The following RTL4 variants were observed in gnomAD, a reference collection of about 807,000 sequenced individuals.
RTL4 encodes the protein retrotransposon Gag-like protein 4.
RTL4 carries 4 observed loss-of-function variants against 5.3 expected under a neutral mutation model. The ratio of observed to expected loss-of-function variants is 0.75; its 90% confidence interval spans 0.37 to 1.72. RTL4 has a LOEUF of 1.72. RTL4 is among the 40% of genes most tolerant of loss of function. RTL4 has a pLI of 0.04. For missense variants in RTL4, 260 were observed against 227.1 expected (o/e 1.14, Z -0.93); for synonymous variants, 98 against 87.3 (o/e 1.12, Z -0.68).
At chrX:112,180,805 C>T in the RTL4 span, among the ~76,000 whole-genome samples, 1 of 112,472 alleles carries the variant, frequency 8.9e-6, no homozygotes, top group South Asian at 3.7e-4. Context: ...TAAGAGATGG[C>T]TGCCTAAATT....
At chrX:112,421,099 G>A in the RTL4 span, among the ~76,000 whole-genome samples, 22 of 111,193 alleles carry the variant, frequency 2.0e-4, no homozygotes, top group African/African-American at 7.2e-4. Context: ...CTGTACCGGT[G>A]TTAGTAATCT....
chrX:112,257,643 C>T, the RTL4 span, among the ~76,000 whole-genome samples: 1 of 109,516 alleles, frequency 9.1e-6, no homozygotes, highest in Non-Finnish European at 1.9e-5. Flanking sequence ...GTCCTCAACT[C>T]TTTATAATGG....
chrX:112,209,877 T>C, the RTL4 span, among the ~76,000 whole-genome samples: 17 of 111,516 alleles, frequency 1.5e-4, no homozygotes, highest in African/African-American at 5.5e-4. Flanking sequence ...AGGAGAGTAG[T>C]TATCTGCAGA....
chrX:112,416,875 G>T, the RTL4 span, among the ~76,000 whole-genome samples: 5 of 111,405 alleles, frequency 4.5e-5, no homozygotes, highest in Non-Finnish European at 9.4e-5. Context: ...CAAGAGATTT[G>T]GTGCATATCA....
At chrX:112,172,367 A>C in the RTL4 span, among the ~76,000 whole-genome samples, 6 of 111,761 alleles carry the variant, frequency 5.4e-5, no homozygotes, top group African/African-American at 2.0e-4. Flanking sequence ...TCTGAGTAGA[A>C]GACATTCACA....
the RTL4 span, among the ~76,000 whole-genome samples, chrX:112,146,401 C>A: frequency 9.0e-6 from 1 of 111,243 alleles, no homozygotes; most frequent in African/African-American, 3.3e-5. Context: ...AGGCCTATAA[C>A]ATAGTAAAGA....
the RTL4 span, among the ~76,000 whole-genome samples, chrX:112,411,442 C>T: frequency 1.8e-5 from 2 of 110,771 alleles, no homozygotes; most frequent in Admixed American, 1.9e-4. Context: ...AACATTGATG[C>T]AAAAATCCTC....
chrX:112,252,169 G>A, the RTL4 span, among the ~76,000 whole-genome samples: 1 of 111,962 alleles, frequency 8.9e-6, no homozygotes, highest in East Asian at 2.8e-4. Flanking sequence ...ACTGGTTCAT[G>A]CTTTTCCACT....
the RTL4 span, among the ~76,000 whole-genome samples, chrX:112,375,320 C>T: frequency 9.0e-6 from 1 of 110,908 alleles, no homozygotes; most frequent in Non-Finnish European, 1.9e-5. Context: ...TCAAGTGGTT[C>T]TCAGGCAAGC....
At chrX:112,188,021 G>C in the RTL4 span, among the ~76,000 whole-genome samples, 1 of 111,761 alleles carries the variant, frequency 8.9e-6, no homozygotes, top group South Asian at 3.7e-4. Context: ...AATGTTAGCA[G>C]TTACCATTTA....
the RTL4 span, among the ~76,000 whole-genome samples, chrX:112,298,521 G>A: frequency 1.8e-5 from 2 of 112,149 alleles, no homozygotes; most frequent in Admixed American, 1.9e-4. Context: ...TAGGGTCCTC[G>A]GGTTCTTATT....
the RTL4 span, among the ~76,000 whole-genome samples, chrX:112,273,023 C>T: frequency 0.066 from 7,381 of 111,348 alleles, 573 homozygotes; most frequent in African/African-American, 0.23. Context: ...ACCATGCGGC[C>T]ATAACAAATT....
the RTL4 span, among the ~76,000 whole-genome samples, chrX:112,269,998 G>T: frequency 8.9e-6 from 1 of 112,310 alleles, no homozygotes; most frequent in African/African-American, 3.2e-5. Flanking sequence ...AGGATAATTA[G>T]AATAGGTAGT....
At chrX:112,455,811 G>A in exon 1 of RTL4, 1 of 537,388 alleles carries the variant, frequency 1.9e-6, no homozygotes, top group Non-Finnish European at 2.8e-6. Context: ...TAAACAATCA[G>A]ATCTTGTTCA....
At chrX:112,352,562 CA>C in the RTL4 span, among the ~76,000 whole-genome samples, 6 of 110,898 alleles carry the variant, frequency 5.4e-5, no homozygotes, top group East Asian at 2.9e-4. Flanking sequence ...ACAAACCTGA[CA>C]AAAACAAGAA....
the RTL4 span, among the ~76,000 whole-genome samples, chrX:112,204,415 C>G: frequency 8.9e-6 from 1 of 111,892 alleles, no homozygotes; most frequent in East Asian, 2.8e-4. Context: ...TGGAAGCAAC[C>G]TAAGTGTTCA....
At chrX:112,152,560 CT>C in the RTL4 span, among the ~76,000 whole-genome samples, 10 of 111,208 alleles carry the variant, frequency 9.0e-5, no homozygotes, top group African/African-American at 2.6e-4. Context: ...GCAACTTGAC[CT>C]TTTCTCCTCT....
the RTL4 span, among the ~76,000 whole-genome samples, chrX:112,261,279 A>G: frequency 8.9e-6 from 1 of 111,785 alleles, no homozygotes; most frequent in East Asian, 2.8e-4. Context: ...ACATGATTGT[A>G]TATTTAGAAA....
chrX:112,185,222 A>T, the RTL4 span, among the ~76,000 whole-genome samples: 1 of 109,610 alleles, frequency 9.1e-6, no homozygotes, highest in Non-Finnish European at 1.9e-5. Context: ...CAACTTCTGC[A>T]TTATGCTCTC....
Sources: allele counts gnomAD v4.1 joint callset (sites outside exome capture counted in the v4.1 genomes callset), GRCh38; gene constraint gnomAD v4.1.1; transcripts MANE v1.5; gene names NCBI Gene and HGNC (gene_info 2026-07-23, HGNC 2026-07-21).